Variants in FER observed in about 807,000 individuals in gnomAD.
The protein encoded by FER is FER tyrosine kinase, also known as tyrosine-protein kinase Fer.
FER carries 63 observed loss-of-function variants against 111.0 expected under a neutral mutation model. That is an observed-to-expected ratio of 0.57 (90% CI 0.46 to 0.70). FER has a LOEUF of 0.70. Among genes scored for constraint, FER ranks in the 30% least tolerant of loss-of-function variants. FER has a pLI of 0.00. For synonymous variants in FER, 327 were observed against 313.9 expected (o/e 1.04, Z -0.44); for missense variants, 914 against 954.0 (o/e 0.96, Z 0.55).
At chr5:108,810,594 G>A (rs1272262756) in intron 3 of FER, among the ~76,000 whole-genome samples, 1 of 152,238 alleles carries the variant, frequency 6.6e-6, no homozygotes, top group Non-Finnish European at 1.5e-5. Context: ...TAATCCAGGA[G>A]AGTGGGTACT....
Position 109,070,213 on chromosome 5 carries a change from G to C in FER, c.1924+23015G>C, listed in dbSNP as rs1470172347. Among the ~76,000 whole-genome samples, 3 of 151,324 alleles carry C rather than the reference G, an allele frequency of 2.0e-5. No homozygotes were observed. In the East Asian group the frequency reaches 5.8e-4, roughly 29 times the overall value. On this transcript the variant is annotated intron_variant, in intron 16 of 19. Coordinates refer to ENST00000281092, the MANE Select transcript of FER (RefSeq NM_005246.4). ...TAAATAAAGCTGGGAAAAGATTATT[G>C]AAAACATGGAGAGAAAAGGAGATAA...
intron 10 of FER, among the ~76,000 whole-genome samples, chr5:108,910,677 G>A (rs56849207): frequency 0.022 from 3,332 of 151,872 alleles, 120 homozygotes; most frequent in African/African-American, 0.077. Context: ...ATTATTTTCA[G>A]CTTTATGTCC....
chr5:108,964,547 G>C (rs1252997201), intron 13 of FER, among the ~76,000 whole-genome samples: 1 of 152,124 alleles, frequency 6.6e-6, no homozygotes, highest in African/African-American at 2.4e-5. Flanking sequence ...GAACTACAGA[G>C]GTTAGTATGG....
intron 13 of FER, among the ~76,000 whole-genome samples, chr5:109,000,325 T>G (rs1184666961): frequency 6.6e-6 from 1 of 152,008 alleles, no homozygotes; most frequent in Non-Finnish European, 1.5e-5. Flanking sequence ...AGAGTACATT[T>G]GTTCTAAGAA....
chr5:109,177,825 A>G (rs114760623), intron 17 of FER, among the ~76,000 whole-genome samples: 1,860 of 152,322 alleles, frequency 0.012, 52 homozygotes, highest in African/African-American at 0.042. Flanking sequence ...GTGGTGAGAT[A>G]TAGCTGTCTC....
At chr5:108,945,250 G>A (rs1756823667) in intron 10 of FER, among the ~76,000 whole-genome samples, 1 of 152,104 alleles carries the variant, frequency 6.6e-6, no homozygotes, top group Non-Finnish European at 1.5e-5. Context: ...CTGCTGATTA[G>A]CAGTTGAAAT....
intron 10 of FER, among the ~76,000 whole-genome samples, chr5:108,945,842 G>A (rs999994864): frequency 2.0e-5 from 3 of 151,628 alleles, no homozygotes; most frequent in African/African-American, 7.3e-5. Flanking sequence ...AATTTCCTTT[G>A]CATTTCTTGT....
chr5:109,074,686 A>T lies in FER; in HGVS notation c.1925-25710A>T, dbSNP rs539216417. Among the ~76,000 whole-genome samples the T allele has an allele frequency of 1.4e-4, 21 of 152,370 alleles. No individual in the cohort carries two copies. The East Asian group carries it at 4.0e-3, about 29-fold the overall frequency. On this transcript the variant is annotated intron_variant, in intron 16 of 19. Coordinates refer to ENST00000281092, the MANE Select transcript of FER (RefSeq NM_005246.4). Reference sequence around the variant, plus strand: ...GATTTCATAAAAGCATCAAAGTACCATTTAGAATCTTCATGGAAATTGAAG... The same window carrying T: ...GATTTCATAAAAGCATCAAAGTACCTTTTAGAATCTTCATGGAAATTGAAG...
At chr5:108,798,751 G>A (rs1756319985) in intron 3 of FER, among the ~76,000 whole-genome samples, 1 of 152,184 alleles carries the variant, frequency 6.6e-6, no homozygotes, top group South Asian at 2.1e-4. Context: ...GGGAGGTTGA[G>A]GTGGGAGGAT....
At chr5:108,824,430 C>T (rs758763331) in intron 3 of FER, among the ~76,000 whole-genome samples, 11 of 151,848 alleles carry the variant, frequency 7.2e-5, no homozygotes, top group South Asian at 2.1e-4. Context: ...AATTCATGAA[C>T]GTAAACATAT....
rs769868034 is a variant in FER, at chr5:108,835,715, A to G, written c.389A>G (p.Lys130Arg). 4 of 1,561,566 alleles carry G rather than the reference A, an allele frequency of 2.6e-6. 1 individual carries two copies. Among genetic ancestry groups the G allele is most frequent in the East Asian group, 2.3e-5 (1 of 43,362 alleles). Reference sequence around the variant, plus strand: ...ATTTTGTTTCTTTGACAGGTTACCAAAACAGAATTGGAGAAGTTAAAATGC... The same window carrying G: ...ATTTTGTTTCTTTGACAGGTTACCAGAACAGAATTGGAGAAGTTAAAATGC... ...QIEAEMIKVTKTELEKLKCSY... is the reference protein window; with the variant it reads ...QIEAEMIKVTRTELEKLKCSY... The change falls in exon 5 of 20, where the codon AAA (lysine) becomes AGA (arginine). Residue 130 changes from lysine to arginine, a missense_variant. This residue lies in a region of FER where 774 missense variants were observed against 782.6 expected (regional missense o/e 0.99). Transcript: ENST00000281092.
Position 109,187,758 on chromosome 5 carries a change from G to GAAAT in FER, c.*185_*188dup. 2 of 692,214 alleles carry GAAAT rather than the reference G, an allele frequency of 2.9e-6. No homozygotes were observed. The highest frequency in any genetic ancestry group is 4.7e-6 in the Non-Finnish European group (2 of 425,178). The allele number at this position is 692,214 out of a possible 1,614,324, so 42.9% of individuals were successfully genotyped here. ...AAAAGTCAAAGGCAAATTTGTTAAAGAAATAGGCAGTCCTACCAAGGGCTT... is the reference window on the plus strand; with the variant it reads ...AAAAGTCAAAGGCAAATTTGTTAAAGAAATAAATAGGCAGTCCTACCAAGGGCTT... On this transcript the variant is annotated 3_prime_UTR_variant, in exon 20 of 20. Transcript: ENST00000281092.
rs1759098824 is a variant in FER, at chr5:109,188,294, C to G, written c.*719C>G. On this transcript the variant is annotated 3_prime_UTR_variant, in exon 20 of 20. Transcript: ENST00000281092. ...ACAGGCGTGAGCCACAGTGCCCAGC[C>G]CCCTCCCTCCTTTGGGAGGCTGAGG... 1 of 146,148 alleles carries G rather than the reference C, an allele frequency of 6.8e-6. No individual in the cohort carries two copies. The highest frequency in any genetic ancestry group is 6.8e-5 in the Admixed American group (1 of 14,758). The allele number at this position is 146,148 out of a possible 1,614,324, so 9.1% of individuals were successfully genotyped here. A position where few individuals can be genotyped will look rare whatever the true frequency, so the allele number is the denominator to read the frequency against.
At chr5:109,014,694 T>C (rs962387986) in intron 13 of FER, 40 of 152,192 alleles carry the variant, frequency 2.6e-4, no homozygotes, top group African/African-American at 9.2e-4. Context: ...TTTCATGATA[T>C]TGATTCTTCC....
chr5:108,992,645 T>C (rs1400177646), intron 13 of FER, among the ~76,000 whole-genome samples: 2 of 137,566 alleles, frequency 1.5e-5, no homozygotes, highest in African/African-American at 5.4e-5. Flanking sequence ...CCACCCCACC[T>C]CCCTCCCGGA....
In FER at chr5:108,775,402, ATC is replaced by A. The variant is rs574971137; in HGVS notation, c.-60+7166_-60+7167del. The stretch of plus-strand genomic sequence containing the variant: ...ATTCATCTTTGTATCCCTTACGATT[ATC>A]TGTCACATGATTCCCTAATAAATGC... On this transcript the variant is annotated intron_variant, in intron 2 of 19. Coordinates refer to ENST00000281092, the MANE Select transcript of FER (RefSeq NM_005246.4). Among the ~76,000 whole-genome samples the A allele has an allele frequency of 3.9e-5, 6 of 152,328 alleles. No homozygotes were observed. In the South Asian group the frequency reaches 1.2e-3, roughly 32 times the overall value.
intron 3 of FER, among the ~76,000 whole-genome samples, chr5:108,820,698 A>G (rs910673905): frequency 3.3e-5 from 5 of 152,222 alleles, no homozygotes; most frequent in Non-Finnish European, 7.3e-5. Context: ...TTAGAAACCA[A>G]TTATTTAATT....
intron 3 of FER, among the ~76,000 whole-genome samples, chr5:108,817,103 CAAAAAAAAAAAAA>C (rs70999913): frequency 9.3e-4 from 55 of 59,198 alleles, no homozygotes; most frequent in East Asian, 8.7e-3. Flanking sequence ...GACACTGTCT[CAAAAAAAAAAAAA>C]AAAAAAAAAA....
chr5:108,990,892 G>T (rs965240997), intron 13 of FER, among the ~76,000 whole-genome samples: 3 of 151,766 alleles, frequency 2.0e-5, no homozygotes, highest in African/African-American at 7.2e-5. Flanking sequence ...CACTGATACT[G>T]CTAAAATACC....
Sources: gnomAD v4.1 joint callset for allele counts (sites outside exome capture counted in the v4.1 genomes callset) on GRCh38, gnomAD v4.1.1 for gene constraint, gnomAD v4.1.1 regional missense constraint, MANE v1.5 for transcripts, NCBI Gene and HGNC (gene_info 2026-07-23, HGNC 2026-07-21) for gene names.